Variants in RERE observed in about 807,000 individuals in gnomAD.
RERE encodes the protein arginine-glutamic acid dipeptide repeats.
In RERE, 40 loss-of-function variants were observed where a neutral mutation model predicts 146.1. The observed-to-expected ratio is 0.27, with a 90% CI of 0.21 to 0.36. The LOEUF is 0.36. RERE is among the 10% of genes least tolerant of loss of function. RERE has a pLI of 1.00. For synonymous variants in RERE, 1,003 were observed against 866.0 expected, an observed-to-expected ratio of 1.16 and a Z score of -2.78; for missense variants, 1,933 against 2,138.7, an observed-to-expected ratio of 0.90 and a Z score of 1.90.
At chr1:8,730,114 G>C (rs1226200240) in intron 1 of RERE, among the ~76,000 whole-genome samples, 2 of 152,168 alleles carry the variant, frequency 1.3e-5, no homozygotes, top group South Asian at 2.1e-4. Context: ...GAATGAACTT[G>C]AGGTAAATAC....
At chr1:8,370,244 T>C (rs552871932) in intron 12 of RERE, among the ~76,000 whole-genome samples, 12 of 152,098 alleles carry the variant, frequency 7.9e-5, no homozygotes, top group African/African-American at 2.4e-4. Context: ...CCATGCTGCA[T>C]GAAAGCAGGC....
rs767977265 is a variant in RERE at position 8,360,645 on chromosome 1, G to T, written c.2862C>A (p.Pro954=). ...AHKHPPHLSG[P]SPFSMNANLP... ...GGTTGGCATTCATGGAGAAGGGTGA[G>T]GGCCCCGAGAGGTGGGGAGGGTGCT... is the stretch of plus-strand genomic sequence containing the variant. The change falls in exon 18 of 23, where the codon CCC becomes CCA. Residue 954 remains proline (P), a synonymous_variant. Transcript: ENST00000400908. The T allele has an allele frequency of 2.6e-6, 4 of 1,523,870 alleles. No individual in the cohort carries two copies. Among genetic ancestry groups the T allele is most frequent in the Non-Finnish European group, 2.6e-6 (3 of 1,137,968 alleles). 94.4% of individuals were successfully genotyped at this position (1,523,870 alleles called of 1,614,324 possible). A position where few individuals can be genotyped will look rare whatever the true frequency, so the allele number is the denominator to read the frequency against.
chr1:8,644,837 TAGGAGTAAA>T (rs1647247136), intron 2 of RERE, among the ~76,000 whole-genome samples: 2 of 152,188 alleles, frequency 1.3e-5, no homozygotes, highest in Admixed American at 1.3e-4. Context: ...TAAATAATTT[TAGGAGTAAA>T]AGGAGAAAAG....
chr1:8,495,553 C>G (rs1208051158), intron 9 of RERE, among the ~76,000 whole-genome samples: 3 of 152,230 alleles, frequency 2.0e-5, no homozygotes, highest in African/African-American at 7.2e-5. Flanking sequence ...CTCAGGTGAT[C>G]TGCTCACCTC....
intron 3 of RERE, among the ~76,000 whole-genome samples, chr1:8,619,737 T>C (rs2124211682): frequency 6.6e-6 from 1 of 152,372 alleles, no homozygotes; most frequent in East Asian, 1.9e-4. Flanking sequence ...ATTATTTGTA[T>C]TATACTTCTT....
intron 10 of RERE, among the ~76,000 whole-genome samples, chr1:8,471,055 TC>T (rs1277872174): frequency 6.6e-6 from 1 of 151,324 alleles, no homozygotes; most frequent in African/African-American, 2.4e-5. Flanking sequence ...GACCTCATGA[TC>T]CCCCCCTGCC....
At chr1:8,709,213 C>A (rs899719778) in intron 1 of RERE, among the ~76,000 whole-genome samples, 3 of 151,870 alleles carry the variant, frequency 2.0e-5, no homozygotes. Flanking sequence ...AGCCACCGTG[C>A]CCGGCAACTC....
intron 1 of RERE, among the ~76,000 whole-genome samples, chr1:8,725,858 C>A (rs1639952609): frequency 2.0e-5 from 3 of 151,984 alleles, no homozygotes; most frequent in Admixed American, 2.0e-4. Context: ...TTGCTTAATG[C>A]AAACGTTCTG....
intron 2 of RERE, among the ~76,000 whole-genome samples, chr1:8,635,217 T>A (rs934328697): frequency 2.0e-5 from 3 of 152,144 alleles, no homozygotes; most frequent in Admixed American, 2.0e-4. Flanking sequence ...TCCAATCATC[T>A]ATCTCCTTAT....
chr1:8,649,039 G>A (rs1374864967), intron 2 of RERE, among the ~76,000 whole-genome samples: 1 of 150,896 alleles, frequency 6.6e-6, no homozygotes, highest in Non-Finnish European at 1.5e-5. Flanking sequence ...CAGAAATAAA[G>A]GAATCAAATT....
At chr1:8,513,672 C>T (rs971048738) in intron 7 of RERE, among the ~76,000 whole-genome samples, 1 of 152,150 alleles carries the variant, frequency 6.6e-6, no homozygotes, top group East Asian at 1.9e-4. Context: ...CCCAGATACT[C>T]AGGAGCCTGA....
intron 12 of RERE, among the ~76,000 whole-genome samples, chr1:8,414,419 G>T (rs1643703808): frequency 1.3e-5 from 2 of 152,108 alleles, no homozygotes; most frequent in Admixed American, 1.3e-4. Flanking sequence ...AGCTGGGCAT[G>T]GTGGCGCATG....
intron 4 of RERE, among the ~76,000 whole-genome samples, chr1:8,588,504 T>C (rs1646454547): frequency 6.6e-6 from 1 of 152,170 alleles, no homozygotes; most frequent in Non-Finnish European, 1.5e-5. Context: ...GGCATCCCAC[T>C]GACTCTATGA....
intron 10 of RERE, among the ~76,000 whole-genome samples, chr1:8,494,576 A>C (rs1005650549): frequency 2.0e-5 from 3 of 152,142 alleles, no homozygotes; most frequent in Admixed American, 1.3e-4. Context: ...AATACAAAAA[A>C]TTAGCTGGGC....
chr1:8,455,320 C>T (rs568621822), intron 11 of RERE, among the ~76,000 whole-genome samples: 9 of 152,042 alleles, frequency 5.9e-5, no homozygotes, highest in Non-Finnish European at 1.2e-4. Flanking sequence ...CAAGGGAGCA[C>T]GATTCCTGAA....
At chr1:8,425,223 A>G (rs1643993793) in intron 11 of RERE, 1 of 152,240 alleles carries the variant, frequency 6.6e-6, no homozygotes, top group Non-Finnish European at 1.5e-5. Context: ...TTCTTCAAGT[A>G]TTCAGGTATT....
chr1:8,619,752 C>A (rs6685317), intron 3 of RERE, among the ~76,000 whole-genome samples: 2,314 of 152,276 alleles, frequency 0.015, 59 homozygotes, highest in African/African-American at 0.053. Flanking sequence ...CTTCTTAATG[C>A]CTGGGTTTCT....
intron 8 of RERE, among the ~76,000 whole-genome samples, chr1:8,501,564 C>T (rs1348863535): frequency 3.0e-4 from 33 of 111,550 alleles, no homozygotes; most frequent in South Asian, 6.2e-4. Flanking sequence ...TCGCCCCTAC[C>T]GGGAAGTGAG....
chr1:8,744,717 G>A (rs1053781611), intron 1 of RERE, among the ~76,000 whole-genome samples: 12 of 152,006 alleles, frequency 7.9e-5, no homozygotes, highest in African/African-American at 2.2e-4. Flanking sequence ...AAGTCAGTAA[G>A]CTAAAACGTA....
Sources: allele counts gnomAD v4.1 joint callset (sites outside exome capture counted in the v4.1 genomes callset), GRCh38; gene constraint gnomAD v4.1.1; transcripts MANE v1.5; gene names NCBI Gene and HGNC (gene_info 2026-07-23, HGNC 2026-07-21).